Variants in LHFPL6 observed in about 807,000 individuals in gnomAD.
LHFPL6 encodes LHFPL tetraspan subfamily member 6.
In LHFPL6, 9 loss-of-function variants were observed where a neutral mutation model predicts 20.6. The observed-to-expected ratio is 0.44, with a 90% CI of 0.26 to 0.76. LHFPL6 has a LOEUF of 0.76. LHFPL6 is among the 30% of genes least tolerant of loss of function. LHFPL6 has a pLI of 0.20. For synonymous variants in LHFPL6, 105 were observed against 98.7 expected, an observed-to-expected ratio of 1.06 and a Z score of -0.38; for missense variants, 218 against 253.5, an observed-to-expected ratio of 0.86 and a Z score of 0.95.
intron 1 of LHFPL6, 68 bp downstream of exon 1, chr13:39,602,815 G>A (rs1873006931): frequency 6.6e-6 from 1 of 152,292 alleles, no homozygotes. Context: ...CCGGCTCCGG[G>A]GCAGAGAGGG....
At chr13:39,576,898 A>G (rs892405821) in intron 2 of LHFPL6, among the ~76,000 whole-genome samples, 1 of 152,158 alleles carries the variant, frequency 6.6e-6, no homozygotes, top group Non-Finnish European at 1.5e-5. Context: ...TTTTGTATTC[A>G]GTCTCCCAAA....
intron 2 of LHFPL6, among the ~76,000 whole-genome samples, chr13:39,388,105 A>C (rs919557399): frequency 1.3e-5 from 2 of 152,236 alleles, no homozygotes; most frequent in African/African-American, 4.8e-5. Flanking sequence ...CTAAAATATA[A>C]AACAGAAATA....
chr13:39,422,480 G>A (rs1325442488), intron 2 of LHFPL6, among the ~76,000 whole-genome samples: 3 of 151,570 alleles, frequency 2.0e-5, no homozygotes, highest in Non-Finnish European at 4.4e-5. Flanking sequence ...CAGCTACTCA[G>A]GAGGCTAAGA....
chr13:39,363,359 C>G (rs1869928264), intron 3 of LHFPL6, among the ~76,000 whole-genome samples: 2 of 152,146 alleles, frequency 1.3e-5, no homozygotes, highest in South Asian at 4.1e-4. Flanking sequence ...ATCATAGCAT[C>G]ACAGACTTTA....
At chr13:39,483,217 A>G (rs983940773) in intron 2 of LHFPL6, among the ~76,000 whole-genome samples, 2 of 142,538 alleles carry the variant, frequency 1.4e-5, no homozygotes. Context: ...TTGAACTTAC[A>G]TTAAAAAGAG....
intron 2 of LHFPL6, among the ~76,000 whole-genome samples, chr13:39,523,407 A>G (rs1189653305): frequency 6.6e-6 from 1 of 152,180 alleles, no homozygotes; most frequent in Non-Finnish European, 1.5e-5. Flanking sequence ...GTCTCTACTA[A>G]AAATACAAAA....
chr13:39,491,464 A>G (rs915916334), intron 2 of LHFPL6, among the ~76,000 whole-genome samples: 7 of 152,238 alleles, frequency 4.6e-5, no homozygotes, highest in Non-Finnish European at 1.0e-4. Flanking sequence ...GCCTGCCTCA[A>G]GAGTCTACAT....
intron 2 of LHFPL6, among the ~76,000 whole-genome samples, chr13:39,585,489 T>C (rs1170368742): frequency 6.6e-6 from 1 of 152,214 alleles, no homozygotes; most frequent in Non-Finnish European, 1.5e-5. Context: ...TTTACTCTAA[T>C]ACGTAGCTGT....
intron 2 of LHFPL6, among the ~76,000 whole-genome samples, chr13:39,542,172 G>A (rs1485966840): frequency 6.6e-6 from 1 of 151,162 alleles, no homozygotes; most frequent in Non-Finnish European, 1.5e-5. Context: ...AGGCATGTGA[G>A]GGAGGCTGAA....
At chr13:39,595,939 A>T (rs1438600469) in intron 2 of LHFPL6, among the ~76,000 whole-genome samples, 1 of 152,188 alleles carries the variant, frequency 6.6e-6, no homozygotes, top group Non-Finnish European at 1.5e-5. Context: ...AGGGACGTCC[A>T]GGACCATCCC....
intron 2 of LHFPL6, among the ~76,000 whole-genome samples, 187 bp from the exon 3 acceptor site, chr13:39,378,713 GA>G (rs1212059869): frequency 1.3e-5 from 2 of 151,182 alleles, no homozygotes; most frequent in African/African-American, 2.4e-5. Flanking sequence ...CAGCTTAAAA[GA>G]AAAAAAAACT....
At chr13:39,509,306 T>C (rs763073046) in intron 2 of LHFPL6, among the ~76,000 whole-genome samples, 4 of 150,672 alleles carry the variant, frequency 2.7e-5, no homozygotes, top group Non-Finnish European at 4.4e-5. Flanking sequence ...AGTCATTCAT[T>C]TTTTTTTCTT....
At chr13:39,442,545 GGC>G (rs1425950837) in intron 2 of LHFPL6, among the ~76,000 whole-genome samples, 2 of 152,174 alleles carry the variant, frequency 1.3e-5, no homozygotes, top group African/African-American at 4.8e-5. Context: ...GAAAGAAGAA[GGC>G]ATAGGCTGGG....
At chr13:39,602,179 TCTACTTCCACC>T (rs1460169787) in intron 1 of LHFPL6, among the ~76,000 whole-genome samples, 6 of 152,174 alleles carry the variant, frequency 3.9e-5, no homozygotes, top group South Asian at 2.1e-4. Flanking sequence ...TCCAGGGGCA[TCTACTTCCACC>T]CCAGCCTTTC....
At chr13:39,493,976 C>A (rs1869016185) in intron 2 of LHFPL6, among the ~76,000 whole-genome samples, 1 of 152,188 alleles carries the variant, frequency 6.6e-6, no homozygotes, top group African/African-American at 2.4e-5. Flanking sequence ...TTAGAAGGTG[C>A]AAGGTGACCT....
chr13:39,345,456 T>C (rs1370854294), intron 3 of LHFPL6, among the ~76,000 whole-genome samples: 1 of 129,142 alleles, frequency 7.7e-6, no homozygotes, highest in Admixed American at 9.6e-5. Flanking sequence ...GAGGTTGCAG[T>C]GAGCTGAGAT....
chr13:39,486,221 A>G (rs1289244834), intron 2 of LHFPL6, among the ~76,000 whole-genome samples: 2 of 152,194 alleles, frequency 1.3e-5, no homozygotes, highest in African/African-American at 4.8e-5. Flanking sequence ...TGGAATTTCC[A>G]TATTTCTACA....
Position 39,601,441 on chromosome 13 carries a change from T to C in LHFPL6, c.-174-51A>G, listed in dbSNP as rs1245965496. 4 of 436,066 alleles carry C rather than the reference T, an allele frequency of 9.2e-6. No individual in the cohort carries two copies. In the Admixed American group the frequency reaches 1.5e-4, roughly 16 times the overall value. 27.0% of individuals were successfully genotyped at this position (436,066 alleles called of 1,614,324 possible). Reference sequence around the variant, plus strand: ...AAATTAAAGGCATTAAAAGAAGTGATAACACTGTTTCAGCTAGTCTACAAT... The same window carrying C: ...AAATTAAAGGCATTAAAAGAAGTGACAACACTGTTTCAGCTAGTCTACAAT... On this transcript the variant is annotated intron_variant, in intron 1 of 3. Transcript: ENST00000379589.
intron 2 of LHFPL6, among the ~76,000 whole-genome samples, chr13:39,466,226 C>T (rs1872802801): frequency 6.6e-6 from 1 of 152,166 alleles, no homozygotes. Context: ...ATTGATTTTT[C>T]TAAGGTTCTC....
Sources: gnomAD v4.1 joint callset for allele counts (sites outside exome capture counted in the v4.1 genomes callset) on GRCh38, gnomAD v4.1.1 for gene constraint, MANE v1.5 for transcripts, NCBI Gene and HGNC (gene_info 2026-07-23, HGNC 2026-07-21) for gene names.